The following MTNR1A variants were observed in gnomAD, a reference collection of about 807,000 sequenced individuals.
MTNR1A encodes melatonin receptor type 1A.
Under a neutral mutation model 5.5 loss-of-function variants are expected in MTNR1A, and 7 were observed. That is an observed-to-expected ratio of 1.28 (90% CI 0.73 to 2.40). The LOEUF (loss-of-function observed/expected upper bound fraction) is 2.40, where lower values mean the gene tolerates loss of function less well. MTNR1A is among the 30% of genes most tolerant of loss of function. The pLI, the probability that MTNR1A is intolerant of heterozygous loss-of-function variation, is 0.00. For synonymous variants in MTNR1A, 196 were observed against 202.7 expected (o/e 0.97, Z 0.28); for missense variants, 441 against 464.4 (o/e 0.95, Z 0.46).
In MTNR1A at chr4:186,555,318, G is replaced by A. The variant is rs933575042; in HGVS notation, c.48C>T (p.Leu16=). 2 of 1,546,572 alleles carry A rather than the reference G, an allele frequency of 1.3e-6. No individual in the cohort carries two copies. Among genetic ancestry groups the A allele is most frequent in the Non-Finnish European group, 1.7e-6 (2 of 1,145,724 alleles). Residue 16 remains leucine (L), a synonymous_variant, in exon 1 of 2, where the codon CTC becomes CTT. Coordinates refer to ENST00000307161, the MANE Select transcript of MTNR1A (RefSeq NM_005958.4). This position sits in a 1 kb window ranked among gnomAD's most constrained non-coding sequence, Gnocchi z 4.1. ...ACGAGGGCCGCGCGCCGTCCCCGCG[G>A]AGCACGGGCTGGGAGGCGTTGGGCA... ...SALPNASQPV[L]RGDGARPSWL...
intron 1 of MTNR1A, among the ~76,000 whole-genome samples, chr4:186,540,560 C>T (rs752212748): frequency 6.6e-6 from 1 of 152,270 alleles, no homozygotes; most frequent in African/African-American, 2.4e-5. Context: ...TTGGTAGAGT[C>T]TGAATGCTCG....
At chr4:186,546,961 C>T (rs113252014) in intron 1 of MTNR1A, among the ~76,000 whole-genome samples, 1 of 87,580 alleles carries the variant, frequency 1.1e-5, no homozygotes, top group Admixed American at 1.1e-4. Context: ...TGGGACACAC[C>T]GTCCACACCA....
intron 1 of MTNR1A, among the ~76,000 whole-genome samples, chr4:186,549,297 C>T (rs1737220259): frequency 6.6e-6 from 1 of 152,058 alleles, no homozygotes. Flanking sequence ...TATAATCCAC[C>T]ACTTAATAAC....
At position 186,534,341 on chromosome 4, in the gene MTNR1A, T is replaced by C. The variant is rs1736788598; in HGVS notation, c.401A>G (p.Lys134Arg). Residue 134 changes from lysine (K) to arginine (R), a missense_variant, in exon 2 of 2, where the codon AAG (lysine) becomes AGG (arginine). Physicochemically the swap from Lys to Arg is conservative, Grantham distance 26. Coordinates refer to ENST00000307161, the MANE Select transcript of MTNR1A (RefSeq NM_005958.4). Reference sequence around the variant, plus strand: ...CTTGCTGCTGTACAGTTTGTCGTACTTGAGACTGTGGCAGATGTAGCAGTA... The same window carrying C: ...CTTGCTGCTGTACAGTTTGTCGTACCTGAGACTGTGGCAGATGTAGCAGTA... ...NRYCYICHSL[K>R]YDKLYSSKNS... The C allele has an allele frequency of 1.2e-6, 2 of 1,614,016 alleles. No individual in the cohort carries two copies. Among genetic ancestry groups the C allele is most frequent in the African/African-American group, 1.3e-5 (1 of 74,898 alleles).
At chr4:186,546,290 G>A (rs1435206199) in intron 1 of MTNR1A, among the ~76,000 whole-genome samples, 1 of 151,946 alleles carries the variant, frequency 6.6e-6, no homozygotes, top group African/African-American at 2.4e-5. Flanking sequence ...CCCTGCAATG[G>A]AACAGGGGTC....
At position 186,534,408 on chromosome 4, in the gene MTNR1A, T is replaced by G. The variant is rs1352844500; in HGVS notation, c.334A>C (p.Ile112Leu). ...VSGFLMGLSV[I>L]GSIFNITGIA... ...CCGGTGATGTTGAATATGGAGCCGA[T>G]GACGCTCAGGCCCATCAGGAACCCA... is the stretch of plus-strand genomic sequence containing the variant. The change falls in exon 2 of 2, where the codon ATC becomes CTC. Residue 112 changes from isoleucine (I) to leucine (L), a missense_variant. Transcript: ENST00000307161. The G allele has an allele frequency of 6.8e-6, 11 of 1,614,026 alleles. No individual in the cohort carries two copies. The highest frequency in any genetic ancestry group is 1.3e-5 in the African/African-American group (1 of 74,914).
chr4:186,552,867 G>C (rs985819979), intron 1 of MTNR1A, among the ~76,000 whole-genome samples: 1 of 152,228 alleles, frequency 6.6e-6, no homozygotes, highest in African/African-American at 2.4e-5. Flanking sequence ...TCAAATTGTG[G>C]ACAAGAGTAG....
chr4:186,554,754 G>A (rs556983688), intron 1 of MTNR1A, among the ~76,000 whole-genome samples: 27 of 152,336 alleles, frequency 1.8e-4, no homozygotes, highest in African/African-American at 5.8e-4. Context: ...CAAGACCACG[G>A]CGGCTGCTCC....
At chr4:186,544,241 G>A (rs187762598) in intron 1 of MTNR1A, among the ~76,000 whole-genome samples, 185 of 152,192 alleles carry the variant, frequency 1.2e-3, no homozygotes, top group Non-Finnish European at 1.8e-3. Flanking sequence ...GGATAGTCTC[G>A]ATCTCTTGAC....
chr4:186,553,698 A>C (rs1737309203), intron 1 of MTNR1A, among the ~76,000 whole-genome samples: 1 of 152,140 alleles, frequency 6.6e-6, no homozygotes, highest in Admixed American at 6.5e-5. Context: ...TTTTTAGTAG[A>C]GACGGGGTTT....
chr4:186,534,481 C>T lies in MTNR1A; in HGVS notation c.261G>A (p.Ser87=), dbSNP rs773877086. 8.7e-6 allele frequency: 14 copies of T among 1,614,004 alleles called. No homozygotes were observed. Among genetic ancestry groups the T allele is most frequent in the Admixed American group, 6.7e-5 (4 of 60,008 alleles). ...CCAGGTTCCACCCGTTGTTAAATAT[C>T]GACATCAGCACCAACGGGTACGGAT... ...AIYPYPLVLM[S]IFNNGWNLGY... Residue 87 remains serine (S), a synonymous_variant, in exon 2 of 2, where the codon TCG becomes TCA. Coordinates refer to ENST00000307161, the MANE Select transcript of MTNR1A (RefSeq NM_005958.4).
chr4:186,535,584 G>C (rs1187630276), intron 1 of MTNR1A, among the ~76,000 whole-genome samples: 1 of 151,962 alleles, frequency 6.6e-6, no homozygotes, highest in Non-Finnish European at 1.5e-5. Context: ...GCTCGTTTTT[G>C]TATTTTTGTA....
chr4:186,534,593 C>T, intron 1 of MTNR1A, 36 bp from the exon 2 acceptor site: 1 of 1,599,112 alleles, frequency 6.3e-7, no homozygotes, highest in East Asian at 2.2e-5. Flanking sequence ...CAGTGAATAC[C>T]AGTTCACAGT....
intron 1 of MTNR1A, among the ~76,000 whole-genome samples, chr4:186,537,602 T>C (rs1390957637): frequency 6.6e-6 from 1 of 152,236 alleles, no homozygotes; most frequent in Admixed American, 6.5e-5. Context: ...ATGATCTCCC[T>C]GGATAATTCC....
chr4:186,534,610 T>C (rs750930701), intron 1 of MTNR1A, 53 bp from the exon 2 acceptor site: 55 of 1,590,396 alleles, frequency 3.5e-5, no homozygotes, highest in Non-Finnish European at 4.6e-5. Flanking sequence ...CAGTGGGTTT[T>C]CTGTTACAAT....
At position 186,555,326 on chromosome 4, in the gene MTNR1A, G is replaced by C. The variant is rs1386052720; in HGVS notation, c.40C>G (p.Pro14Ala). Residue 14 changes from proline (P) to alanine (A), a missense_variant, in exon 1 of 2, where the codon CCC becomes GCC. Pro to Ala is a conservative substitution (Grantham distance 27). Transcript: ENST00000307161. This position sits in a 1 kb window ranked among gnomAD's most constrained non-coding sequence, Gnocchi z 4.1. ...NGSALPNASQ[P>A]VLRGDGARPS... ...CGCGCGCCGTCCCCGCGGAGCACGG[G>C]CTGGGAGGCGTTGGGCAGCGCGCTG... 4 of 1,545,228 alleles carry C rather than the reference G, an allele frequency of 2.6e-6. No individual in the cohort carries two copies. The highest frequency in any genetic ancestry group is 2.5e-5 in the East Asian group (1 of 40,756).
chr4:186,548,541 C>T (rs906167318), intron 1 of MTNR1A, among the ~76,000 whole-genome samples: 2 of 151,766 alleles, frequency 1.3e-5, no homozygotes, highest in Non-Finnish European at 2.9e-5. Flanking sequence ...TATTCTGCTG[C>T]TGGGAATGTT....
intron 1 of MTNR1A, among the ~76,000 whole-genome samples, chr4:186,534,911 T>C (rs540907724): frequency 6.6e-6 from 1 of 152,236 alleles, no homozygotes; most frequent in South Asian, 2.1e-4. Context: ...AAATCTCATA[T>C]GATGTCAAGC....
chr4:186,541,075 A>T (rs1174554029), intron 1 of MTNR1A, among the ~76,000 whole-genome samples: 1 of 152,168 alleles, frequency 6.6e-6, no homozygotes, highest in Non-Finnish European at 1.5e-5. Flanking sequence ...CCCTGCCTCC[A>T]TTCCCTCAGC....
Sources: gnomAD v4.1 joint callset for allele counts (sites outside exome capture counted in the v4.1 genomes callset) on GRCh38, gnomAD v4.1.1 for gene constraint, Gnocchi (gnomAD v3.1) non-coding constraint, MANE v1.5 for transcripts, NCBI Gene and HGNC (gene_info 2026-07-23, HGNC 2026-07-21) for gene names.